The following BDNF variants were observed in gnomAD, a reference collection of about 807,000 sequenced individuals.
The protein encoded by BDNF is neurotrophic factor BDNF precursor form.
A neutral mutation model predicts 19.5 loss-of-function variants in BDNF; 1 was observed. That is an observed-to-expected ratio of 0.05 (90% confidence interval 0.02 to 0.24). BDNF has a LOEUF of 0.24. Among genes scored for constraint, BDNF ranks in the 10% least tolerant of loss-of-function variants. The pLI is 1.00. For missense variants in BDNF, 195 were observed against 317.6 expected (o/e 0.61, Z 2.93); for synonymous variants, 100 against 121.6 (o/e 0.82, Z 1.17).
At chr11:27,699,734 G>A (rs1859668380) in intron 1 of BDNF, 8 of 1,348,490 alleles carry the variant, frequency 5.9e-6, no homozygotes, top group Non-Finnish European at 7.7e-6. Flanking sequence ...GCAAGTCGGC[G>A]CGGGGACCAC....
intron 1 of BDNF, among the ~76,000 whole-genome samples, chr11:27,707,905 C>T (rs1210095493): frequency 2.0e-5 from 3 of 152,004 alleles, no homozygotes; most frequent in African/African-American, 7.2e-5. Flanking sequence ...TTTTGGAAGT[C>T]AGATGTCGAC....
At position 27,684,313 on chromosome 11, in the gene BDNF, G is replaced by C. The variant is rs531819609; in HGVS notation, c.-22+15851C>G. On this transcript the variant is annotated intron_variant, in intron 1 of 1. Transcript: ENST00000356660. Reference sequence around the variant, plus strand: ...AGGAGATTTTGGGCTGAGATGATGGGGTTTTCTAAATATACAATCATGTCA... The same window carrying C: ...AGGAGATTTTGGGCTGAGATGATGGCGTTTTCTAAATATACAATCATGTCA... 6.6e-5 allele frequency among the ~76,000 whole-genome samples: 10 copies of C among 152,146 alleles called. No homozygotes were observed. In the South Asian group the frequency reaches 2.1e-3, roughly 32 times the overall value.
At chr11:27,663,211 CATAAG>C in intron 1 of BDNF, among the ~76,000 whole-genome samples, 1 of 152,152 alleles carries the variant, frequency 6.6e-6, no homozygotes. Context: ...CTTTATCACA[CATAAG>C]ATAAAGAGGC....
Position 27,700,258 on chromosome 11 carries a change from G to T in BDNF, c.-116C>A. On this transcript the variant is annotated 5_prime_UTR_variant, in exon 1 of 2. Coordinates refer to ENST00000356660, the MANE Select transcript of BDNF (RefSeq NM_001709.5). ...GCGCCCAGCCCCGGTCCCCGTCGCG[G>T]TGCTGCTCCCCGCCGGCCCCACAGC... 1 of 985,484 alleles carries T rather than the reference G, an allele frequency of 1.0e-6. No homozygotes were observed. Among genetic ancestry groups the T allele is most frequent in the African/African-American group, 1.7e-5 (1 of 57,306 alleles). 61.0% of individuals were successfully genotyped at this position (985,484 alleles called of 1,614,324 possible).
chr11:27,673,927 G>T lies in BDNF; in HGVS notation c.-21-15342C>A, dbSNP rs1430073011. ...AAAAAAACAAGAGAGATGAAAACAG[G>T]TGATGGAAGAAACTGGAAAGGTAAG... On this transcript the variant is annotated intron_variant, in intron 1 of 1. Coordinates refer to ENST00000356660, the MANE Select transcript of BDNF (RefSeq NM_001709.5). 10 of 1,061,648 alleles carry T rather than the reference G, an allele frequency of 9.4e-6. No homozygotes were observed. The African/African-American group carries it at 1.4e-4, about 15-fold the overall frequency. 65.8% of individuals were successfully genotyped at this position (1,061,648 alleles called of 1,614,324 possible). A position where few individuals can be genotyped will look rare whatever the true frequency, so the allele number is the denominator to read the frequency against.
At chr11:27,691,617 A>G (rs930030201) in intron 1 of BDNF, among the ~76,000 whole-genome samples, 9 of 152,216 alleles carry the variant, frequency 5.9e-5, no homozygotes, top group Admixed American at 5.9e-4. Context: ...ATGAGAGATC[A>G]CAAAGAATAA....
intron 1 of BDNF, among the ~76,000 whole-genome samples, chr11:27,669,521 C>T (rs1854972603): frequency 6.6e-6 from 1 of 152,084 alleles, no homozygotes; most frequent in Non-Finnish European, 1.5e-5. Context: ...TCATCTCAGC[C>T]CAAAATCTCC....
upstream of BDNF, among the ~76,000 whole-genome samples, chr11:27,702,905 C>G (rs41274442): frequency 2.0e-4 from 30 of 152,286 alleles, no homozygotes; most frequent in African/African-American, 6.7e-4. Context: ...TCCCCCACCC[C>G]CTAAGTGAAG....
chr11:27,695,230 C>G (rs1377514173), intron 1 of BDNF, among the ~76,000 whole-genome samples: 1 of 152,030 alleles, frequency 6.6e-6, no homozygotes, highest in Non-Finnish European at 1.5e-5. Context: ...TGGTGAGTTG[C>G]TTAAATTACT....
intron 1 of BDNF, among the ~76,000 whole-genome samples, chr11:27,664,279 A>G (rs1289423999): frequency 6.6e-6 from 1 of 152,146 alleles, no homozygotes; most frequent in East Asian, 1.9e-4. Context: ...AGTTGACTAT[A>G]TCCATATGTT....
rs190640500 is a variant in BDNF, at chr11:27,682,414, A to T, written c.-22+17750T>A. Reference sequence around the variant, plus strand: ...TTTCTTTTATTATTATTATTATAATAATAATAATAATACTTTTAAGTTCTG... The same window carrying T: ...TTTCTTTTATTATTATTATTATAATTATAATAATAATACTTTTAAGTTCTG... On this transcript the variant is annotated intron_variant, in intron 1 of 1. Coordinates refer to ENST00000356660, the MANE Select transcript of BDNF (RefSeq NM_001709.5). Among the ~76,000 whole-genome samples, 1,914 of 134,932 alleles carry T rather than the reference A, an allele frequency of 0.014. 44 individuals are homozygous for T. The East Asian group carries it at 0.14, about 10-fold the overall frequency. 88.5% of individuals were successfully genotyped at this position (134,932 alleles called of 152,430 possible).
intron 1 of BDNF, among the ~76,000 whole-genome samples, chr11:27,693,705 G>T (rs1858607242): frequency 6.6e-6 from 1 of 152,200 alleles, no homozygotes; most frequent in African/African-American, 2.4e-5. Context: ...AAAGAAGTTT[G>T]TCTGTGTTTA....
chr11:27,666,857 C>G (rs555463674), intron 1 of BDNF, among the ~76,000 whole-genome samples: 56 of 152,174 alleles, frequency 3.7e-4, no homozygotes, highest in African/African-American at 1.3e-3. Flanking sequence ...AGGATATTAT[C>G]CAGGAGAACT....
chr11:27,705,826 A>G (rs1461197133), intron 1 of BDNF, among the ~76,000 whole-genome samples: 3 of 152,240 alleles, frequency 2.0e-5, no homozygotes, highest in South Asian at 2.1e-4. Context: ...AGTTGATGAA[A>G]GATTGCTGAG....
intron 1 of BDNF, among the ~76,000 whole-genome samples, chr11:27,709,670 G>T (rs544339847): frequency 4.2e-4 from 64 of 152,112 alleles, no homozygotes; most frequent in Non-Finnish European, 7.8e-4. Context: ...CATGTAACCT[G>T]GGCAAGCAAC....
intron 1 of BDNF, among the ~76,000 whole-genome samples, chr11:27,718,567 G>A (rs1860618353): frequency 2.7e-5 from 1 of 36,950 alleles, no homozygotes; most frequent in African/African-American, 1.1e-4. Flanking sequence ...ACGCTCCCCT[G>A]CCCGCCCCTC....
chr11:27,718,388 A>T (rs1860610072), intron 1 of BDNF, among the ~76,000 whole-genome samples: 1 of 131,090 alleles, frequency 7.6e-6, no homozygotes, highest in Non-Finnish European at 1.6e-5. Flanking sequence ...TTTGCAATAA[A>T]TCTCCCAGTT....
chr11:27,670,746 G>T lies in BDNF; in HGVS notation c.-21-12161C>A, dbSNP rs535066611. 2.9e-3 allele frequency among the ~76,000 whole-genome samples: 440 copies of T among 151,922 alleles called. 2 individuals are homozygous for T. Among genetic ancestry groups the T allele is most frequent in the Non-Finnish European group, 5.3e-3 (358 of 67,834 alleles). On this transcript the variant is annotated intron_variant, in intron 1 of 1. Transcript: ENST00000356660. ...ACCAGTTAGAATGGCGATCATTAAAGTCCGGAAACAACAGGTGCTGGAAAG... is the reference window on the plus strand; with the variant it reads ...ACCAGTTAGAATGGCGATCATTAAATTCCGGAAACAACAGGTGCTGGAAAG...
chr11:27,685,610 T>C (rs931448972), intron 1 of BDNF, among the ~76,000 whole-genome samples: 7 of 152,216 alleles, frequency 4.6e-5, no homozygotes, highest in African/African-American at 1.7e-4. Flanking sequence ...TTTATTCTCA[T>C]TGGTCTCAAA....
Sources: allele counts gnomAD v4.1 joint callset (sites outside exome capture counted in the v4.1 genomes callset), GRCh38; gene constraint gnomAD v4.1.1; transcripts MANE v1.5; gene names NCBI Gene and HGNC (gene_info 2026-07-23, HGNC 2026-07-21).